PRKCE: variants seen among roughly 807,000 people sequenced by gnomAD.
PRKCE encodes the protein protein kinase C epsilon type.
In PRKCE, 16 loss-of-function variants were observed where a neutral mutation model predicts 85.4. The ratio of observed to expected loss-of-function variants is 0.19; its 90% confidence interval spans 0.13 to 0.28. The LOEUF is 0.28. Ranked by LOEUF, PRKCE falls within the 10% of genes least tolerant of loss-of-function variation. The pLI, the probability that PRKCE is intolerant of heterozygous loss-of-function variation, is 1.00. For synonymous variants in PRKCE, 388 were observed against 371.5 expected (o/e 1.04, Z -0.51); for missense variants, 573 against 975.2 (o/e 0.59, Z 5.49).
chr2:45,837,161 C>T (rs1262101751), intron 1 of PRKCE, among the ~76,000 whole-genome samples: 2 of 152,226 alleles, frequency 1.3e-5, no homozygotes, highest in Non-Finnish European at 2.9e-5. Flanking sequence ...TAGGTGGAGT[C>T]CTCTTGATTT....
intron 1 of PRKCE, among the ~76,000 whole-genome samples, chr2:45,678,719 TAGCTC>T (rs1324595980): frequency 6.6e-6 from 1 of 152,230 alleles, no homozygotes; most frequent in Non-Finnish European, 1.5e-5. Flanking sequence ...CTCTGAGCTT[TAGCTC>T]AGCCTCGATG....
At chr2:45,944,280 G>C (rs1284290132) in intron 2 of PRKCE, among the ~76,000 whole-genome samples, 1 of 152,126 alleles carries the variant, frequency 6.6e-6, no homozygotes, top group East Asian at 1.9e-4. Flanking sequence ...CAGGGTTCCA[G>C]GGCTGTAGGA....
At chr2:45,879,659 C>T (rs1293780968) in intron 2 of PRKCE, among the ~76,000 whole-genome samples, 1 of 152,332 alleles carries the variant, frequency 6.6e-6, no homozygotes, top group South Asian at 2.1e-4. Context: ...GCTCATGAAC[C>T]CTCTCACCTG....
chr2:45,672,022 C>T lies in PRKCE; in HGVS notation c.348+19574C>T, dbSNP rs112530569. 8.5e-3 allele frequency among the ~76,000 whole-genome samples: 1,253 copies of T among 146,756 alleles called. 12 individuals are homozygous for T. Among genetic ancestry groups the T allele is most frequent in the Non-Finnish European group, 0.014 (960 of 67,310 alleles). On this transcript the variant is annotated intron_variant, in intron 1 of 14. Transcript: ENST00000306156. ...AAGGTACAATGAGCCATGATTATGCCACTGTACTCTAGCTTGGGTGGCAGA... is the reference window on the plus strand; with the variant it reads ...AAGGTACAATGAGCCATGATTATGCTACTGTACTCTAGCTTGGGTGGCAGA...
chr2:45,657,124 A>C (rs1368573636), intron 1 of PRKCE, among the ~76,000 whole-genome samples: 1 of 152,160 alleles, frequency 6.6e-6, no homozygotes, highest in Non-Finnish European at 1.5e-5. Context: ...CTACACACTG[A>C]GCTCAGTTTC....
chr2:45,961,545 C>T (rs1039060727), intron 2 of PRKCE, among the ~76,000 whole-genome samples: 1 of 152,202 alleles, frequency 6.6e-6, no homozygotes, highest in African/African-American at 2.4e-5. Context: ...ACACCCTTTC[C>T]ATGTTCACCA....
intron 1 of PRKCE, among the ~76,000 whole-genome samples, chr2:45,798,636 C>G (rs1188687765): frequency 6.6e-6 from 1 of 152,080 alleles, no homozygotes; most frequent in African/African-American, 2.4e-5. Context: ...GTTCAAGTTG[C>G]ATATTTAATG....
chr2:45,987,121 C>T (rs948357307), intron 6 of PRKCE, among the ~76,000 whole-genome samples: 1 of 151,852 alleles, frequency 6.6e-6, no homozygotes, highest in African/African-American at 2.4e-5. Flanking sequence ...TTTAAGAAAG[C>T]AGCCCAGACA....
At chr2:45,835,891 G>A (rs1396603790) in intron 1 of PRKCE, among the ~76,000 whole-genome samples, 1 of 152,086 alleles carries the variant, frequency 6.6e-6, no homozygotes, top group African/African-American at 2.4e-5. Flanking sequence ...CACCGTGCCC[G>A]GTCCTCATTC....
rs545035310 is a variant in PRKCE at position 45,955,476 on chromosome 2, T to C, written c.413-20953T>C. Among the ~76,000 whole-genome samples the C allele has an allele frequency of 3.3e-5, 5 of 152,318 alleles. No homozygotes were observed. The South Asian group carries it at 6.2e-4, about 19-fold the overall frequency. ...TGCCCCAGCTTTCTCTGAACTCTTA[T>C]GTTTATAGTCTCTTCTGCTCAGCTG... On this transcript the variant is annotated intron_variant, in intron 2 of 14. Transcript: ENST00000306156.
chr2:45,796,386 G>A (rs1328813974), intron 1 of PRKCE, among the ~76,000 whole-genome samples: 3 of 152,048 alleles, frequency 2.0e-5, no homozygotes, highest in African/African-American at 7.3e-5. Context: ...TACTTCTTAG[G>A]GATGTAATGA....
intron 2 of PRKCE, among the ~76,000 whole-genome samples, chr2:45,885,645 G>A (rs1695240748): frequency 1.3e-5 from 2 of 152,222 alleles, no homozygotes; most frequent in African/African-American, 2.4e-5. Flanking sequence ...AAATTTCTCT[G>A]ACTGTTGTTG....
chr2:45,763,644 G>T (rs903957476), intron 1 of PRKCE, among the ~76,000 whole-genome samples: 1 of 151,966 alleles, frequency 6.6e-6, no homozygotes, highest in Non-Finnish European at 1.5e-5. Context: ...GGTATAACCC[G>T]CCATGCTGCT....
intron 1 of PRKCE, among the ~76,000 whole-genome samples, chr2:45,665,987 C>T (rs1675892559): frequency 6.6e-6 from 1 of 152,052 alleles, no homozygotes; most frequent in African/African-American, 2.4e-5. Flanking sequence ...GGACCCCTTT[C>T]TAGGGCTTCT....
At chr2:45,773,938 C>T (rs749090558) in intron 1 of PRKCE, among the ~76,000 whole-genome samples, 1 of 152,208 alleles carries the variant, frequency 6.6e-6, no homozygotes, top group Non-Finnish European at 1.5e-5. Context: ...CTTCAGCAAA[C>T]ATCCCTGCTG....
At chr2:45,933,145 C>T (rs1699164021) in intron 2 of PRKCE, among the ~76,000 whole-genome samples, 1 of 152,174 alleles carries the variant, frequency 6.6e-6, no homozygotes, top group South Asian at 2.1e-4. Context: ...CTACACAAGT[C>T]TTTTGCCCAT....
At chr2:46,160,053 T>C (rs1433879525) in intron 14 of PRKCE, 2 of 332,274 alleles carry the variant, frequency 6.0e-6, no homozygotes, top group Non-Finnish European at 1.1e-5. Context: ...ATGATACTAG[T>C]TTTCCATGTA....
At position 46,001,632 on chromosome 2, in the gene PRKCE, T is replaced by G. The variant is rs930512675; in HGVS notation, c.966+86T>G. The G allele has an allele frequency of 4.2e-6, 6 of 1,422,712 alleles. No homozygotes were observed. The African/African-American group carries it at 7.2e-5, about 17-fold the overall frequency. 88.1% of individuals were successfully genotyped at this position (1,422,712 alleles called of 1,614,324 possible). A position where few individuals can be genotyped will look rare whatever the true frequency, so the allele number is the denominator to read the frequency against. ...TTCCAGAGGGTGCTCTGGAGTGAGGTAATAAGATTCCTGGGTTTGAGGTAT... is the reference window on the plus strand; with the variant it reads ...TTCCAGAGGGTGCTCTGGAGTGAGGGAATAAGATTCCTGGGTTTGAGGTAT... On this transcript the variant is annotated intron_variant, in intron 7 of 14. Coordinates refer to ENST00000306156, the MANE Select transcript of PRKCE (RefSeq NM_005400.3). The surrounding 1 kb of genome is among the most constrained non-coding windows in gnomAD (Gnocchi z 4.4).
At chr2:45,716,119 A>T (rs73926035) in intron 1 of PRKCE, among the ~76,000 whole-genome samples, 10,342 of 152,254 alleles carry the variant, frequency 0.068, 651 homozygotes, top group African/African-American at 0.16. Context: ...TCAATTGAAT[A>T]GGGGCCCAGG....
Sources: allele counts gnomAD v4.1 joint callset (sites outside exome capture counted in the v4.1 genomes callset), GRCh38; gene constraint gnomAD v4.1.1; non-coding constraint Gnocchi (gnomAD v3.1); transcripts MANE v1.5; gene names NCBI Gene and HGNC (gene_info 2026-07-23, HGNC 2026-07-21).